Variants in AMACR observed in about 807,000 individuals in gnomAD.
AMACR encodes 2-methylacyl-CoA racemase.
In AMACR, 18 loss-of-function variants were observed where a neutral mutation model predicts 22.2. The ratio of observed to expected loss-of-function variants is 0.81; its 90% CI spans 0.56 to 1.20. The LOEUF (loss-of-function observed/expected upper bound fraction) is 1.20. AMACR is among the 50% of genes most tolerant of loss of function. AMACR has a pLI of 0.00. For missense variants in AMACR, 499 were observed against 490.6 expected, an observed-to-expected ratio of 1.02 and a Z score of -0.16; for synonymous variants, 213 against 191.3, an observed-to-expected ratio of 1.11 and a Z score of -0.94.
intron 3 of AMACR, among the ~76,000 whole-genome samples, chr5:34,001,531 A>T (rs932089502): frequency 4.6e-5 from 7 of 152,244 alleles, no homozygotes; most frequent in African/African-American, 1.4e-4. Flanking sequence ...CAGTTAGGTC[A>T]CAGCTCATTA....
Position 34,007,879 on chromosome 5 carries a change from G to A in AMACR, c.141C>T (p.Gly47=). 1 of 1,595,882 alleles carries A rather than the reference G, an allele frequency of 6.3e-7. No homozygotes were observed. The highest frequency in any genetic ancestry group is 8.5e-7 in the Non-Finnish European group (1 of 1,173,434). The change falls in exon 1 of 5, where the codon GGC becomes GGT. Residue 47 remains glycine (G), a synonymous_variant. Coordinates refer to ENST00000335606, the MANE Select transcript of AMACR (RefSeq NM_014324.6). ...CCAGCACTAGCGAGCGCTTGCCCCG[G>A]CCCAAGCGGCTCACGTCGTAGCGGG... ...PGSRYDVSRL[G]RGKRSLVLDL... is the part of the protein sequence containing the mutation.
At position 34,007,765 on chromosome 5, in the gene AMACR, G is replaced by C. The variant is rs779779299; in HGVS notation, c.247+8C>G. ...TTCCCGAGAGCAGCCCGCGGGGCCCGGGCTCACCGCGGCGGAAGGGCTCCA... is the reference window on the plus strand; with the variant it reads ...TTCCCGAGAGCAGCCCGCGGGGCCCCGGCTCACCGCGGCGGAAGGGCTCCA... On this transcript the variant is annotated splice_region_variant and intron_variant, in intron 1 of 4. Transcript: ENST00000335606. 7.2e-5 allele frequency: 111 copies of C among 1,546,182 alleles called. 1 individual carries two copies. In the African/African-American group the frequency reaches 1.2e-3, roughly 17 times the overall value.
Position 33,989,067 on chromosome 5 carries a change from A to G in AMACR, c.*26T>C. Reference sequence around the variant, plus strand: ...TCTACACTGTAAATGCAGTATTCAAATTCACTTGAGCCGTGGGCCTGGAAG... The same window carrying G: ...TCTACACTGTAAATGCAGTATTCAAGTTCACTTGAGCCGTGGGCCTGGAAG... On this transcript the variant is annotated 3_prime_UTR_variant, in exon 5 of 5. Transcript: ENST00000335606. 6.2e-7 allele frequency: 1 copy of G among 1,613,920 alleles called. No individual in the cohort carries two copies. Among genetic ancestry groups the G allele is most frequent in the East Asian group, 2.2e-5 (1 of 44,880 alleles).
intron 4 of AMACR, chr5:33,997,436 T>C (rs137961509): frequency 1.9e-4 from 147 of 778,600 alleles, no homozygotes; most frequent in African/African-American, 1.5e-3. Flanking sequence ...ACGATGGCCA[T>C]TGCTTCACAC....
Position 33,998,758 on chromosome 5 carries a change from G to A in AMACR, c.622C>T (p.Arg208Ter). The A allele has an allele frequency of 2.5e-6, 4 of 1,614,002 alleles. No individual in the cohort carries two copies. The highest frequency in any genetic ancestry group is 3.4e-6 in the Non-Finnish European group (4 of 1,179,974). The change falls in exon 4 of 5, where the codon CGA (arginine) becomes TGA (stop). Residue 208 changes from arginine to a stop codon, truncating the protein, a stop_gained. Transcript: ENST00000335606. LOFTEE classifies it high-confidence loss of function. ...CCACCATCCAACATGTTCTGTCCTC[G>A]AGGTGCTTCCCACAGACTCAATTTC... ...TQKLSLWEAPRGQNMLDGGAP... is the reference protein window; with the variant it reads ...TQKLSLWEAP
chr5:34,007,147 C>T (rs536191811), intron 1 of AMACR, among the ~76,000 whole-genome samples: 1 of 152,310 alleles, frequency 6.6e-6, no homozygotes, highest in Non-Finnish European at 1.5e-5. Context: ...AGGAAAGGCT[C>T]ATTTTGGGAT....
intron 4 of AMACR, chr5:33,996,912 C>T: frequency 2.4e-6 from 1 of 408,526 alleles, no homozygotes. Flanking sequence ...AATCATTAAA[C>T]AAACAGCAAC....
In AMACR at chr5:34,005,739, A is replaced by G. The variant is rs1299213324; in HGVS notation, c.391+17T>C. ...GGAATAAATTAAAAGTGTAGACTAA[A>G]TTTTTTTTCAACATACCTGACAAAG... On this transcript the variant is annotated intron_variant, in intron 2 of 4. Coordinates refer to ENST00000335606, the MANE Select transcript of AMACR (RefSeq NM_014324.6). 6.2e-7 allele frequency: 1 copy of G among 1,613,260 alleles called. No individual in the cohort carries two copies. Among genetic ancestry groups the G allele is most frequent in the African/African-American group, 1.3e-5 (1 of 74,844 alleles).
chr5:34,002,138 A>G (rs1753837777), intron 3 of AMACR, among the ~76,000 whole-genome samples: 1 of 152,164 alleles, frequency 6.6e-6, no homozygotes, highest in Non-Finnish European at 1.5e-5. Flanking sequence ...CTGGGACTGC[A>G]GACGCGTACC....
chr5:33,991,977 C>G (rs1366600500), intron 4 of AMACR, among the ~76,000 whole-genome samples: 2 of 152,114 alleles, frequency 1.3e-5, no homozygotes, highest in African/African-American at 4.8e-5. Flanking sequence ...CTCCCAGGTT[C>G]AAGAGATTCT....
chr5:34,006,860 G>A (rs533244680), intron 1 of AMACR, among the ~76,000 whole-genome samples: 3 of 152,342 alleles, frequency 2.0e-5, no homozygotes, highest in African/African-American at 7.2e-5. Context: ...ATTTCTACTT[G>A]AACAAAGTTA....
chr5:33,989,172 A>C lies in AMACR; in HGVS notation c.1070T>G (p.Phe357Cys). The C allele has an allele frequency of 2.5e-6, 4 of 1,614,200 alleles. No individual in the cohort carries two copies. Among genetic ancestry groups the C allele is most frequent in the Non-Finnish European group, 3.4e-6 (4 of 1,180,028 alleles). The change falls in exon 5 of 5, where the codon TTT (phenylalanine) becomes TGT (cysteine). Residue 357 changes from phenylalanine (F) to cysteine (C), a missense_variant. Phe to Cys is a radical substitution (Grantham distance 205). Transcript: ENST00000335606. ...GEHTEEILEE[F>C]GFSREEIYQL... ...ATAAATCTCTTCGCGGCTGAATCCA[A>C]ATTCTTCAAGTATCTCCTCAGTGTG...
At chr5:33,994,056 TA>T in intron 4 of AMACR, 1 of 456,120 alleles carries the variant, frequency 2.2e-6, no homozygotes, top group Non-Finnish European at 4.4e-6. Flanking sequence ...GTATGCACCT[TA>T]AAAAGATTTT....
chr5:34,006,565 G>C (rs1753984731), intron 1 of AMACR, among the ~76,000 whole-genome samples: 1 of 152,134 alleles, frequency 6.6e-6, no homozygotes, highest in South Asian at 2.1e-4. Flanking sequence ...AAAACCTCTA[G>C]TCATCTACCT....
In AMACR at chr5:33,988,869, A is replaced by G. The variant is rs1364952531; in HGVS notation, c.*224T>C. 5 of 1,384,460 alleles carry G rather than the reference A, an allele frequency of 3.6e-6. No individual in the cohort carries two copies. Among genetic ancestry groups the G allele is most frequent in the East Asian group, 5.5e-5 (2 of 36,424 alleles). The allele number at this position is 1,384,460 out of a possible 1,614,324, so 85.8% of individuals were successfully genotyped here. A position where few individuals can be genotyped will look rare whatever the true frequency, so the allele number is the denominator to read the frequency against. On this transcript the variant is annotated 3_prime_UTR_variant, in exon 5 of 5. Transcript: ENST00000335606. ...CAAACTGGAAGGCAGAATAACTACC[A>G]TAATTTAGTATAAGTACCCAAAGTT...
intron 3 of AMACR, among the ~76,000 whole-genome samples, chr5:34,001,316 G>A (rs1231991500): frequency 6.6e-6 from 1 of 152,234 alleles, no homozygotes; most frequent in Non-Finnish European, 1.5e-5. Context: ...TAGCCCTGGG[G>A]CCAAAGAGGA....
chr5:33,992,122 G>A (rs1322294108), intron 4 of AMACR, among the ~76,000 whole-genome samples: 2 of 151,848 alleles, frequency 1.3e-5, no homozygotes, highest in East Asian at 1.9e-4. Context: ...CTCGTGATCC[G>A]CCCGCCTCGG....
intron 1 of AMACR, among the ~76,000 whole-genome samples, chr5:34,006,276 C>T (rs1753975166): frequency 6.6e-6 from 1 of 152,194 alleles, no homozygotes; most frequent in African/African-American, 2.4e-5. Context: ...CTTATCTTCC[C>T]TATCAGCTCA....
At chr5:33,989,603 G>A (rs1753414477) in intron 4 of AMACR, 101 bp from the exon 5 acceptor site, 1 of 965,982 alleles carries the variant, frequency 1.0e-6, no homozygotes, top group African/African-American at 1.7e-5. Flanking sequence ...AAAATAAGAT[G>A]TTCTATAAGG....
Sources: gnomAD v4.1 joint callset for allele counts (sites outside exome capture counted in the v4.1 genomes callset) on GRCh38, gnomAD v4.1.1 for gene constraint, MANE v1.5 for transcripts, NCBI Gene and HGNC (gene_info 2026-07-23, HGNC 2026-07-21) for gene names.